Variants in HS3ST4 observed in about 807,000 individuals in gnomAD.
HS3ST4 encodes heparan sulfate glucosamine 3-O-sulfotransferase 4.
Under a neutral mutation model 29.2 loss-of-function variants are expected in HS3ST4, and 17 were observed. That is an observed-to-expected ratio of 0.58 (90% confidence interval 0.40 to 0.87). The LOEUF is 0.87. Ranked by LOEUF, HS3ST4 falls within the 40% of genes least tolerant of loss-of-function variation. HS3ST4 has a pLI of 0.00. For missense variants in HS3ST4, 627 were observed against 634.5 expected, an observed-to-expected ratio of 0.99 and a Z score of 0.13; for synonymous variants, 314 against 285.7, an observed-to-expected ratio of 1.10 and a Z score of -1.00.
chr16:25,836,901 A>C (rs1967361939), intron 1 of HS3ST4, among the ~76,000 whole-genome samples: 1 of 152,208 alleles, frequency 6.6e-6, no homozygotes, highest in Admixed American at 6.5e-5. Context: ...GTACCTCCCA[A>C]AATGTACTCG....
Position 26,136,219 on chromosome 16 carries a change from C to T in HS3ST4, c.1342C>T (p.Gln448Ter), listed in dbSNP as rs1223869400. ...TTACCAAATGACTGGTCAAGATTTTCAGTGGGAACAGGAAGAGGGTGATAA... is the reference window on the plus strand; with the variant it reads ...TTACCAAATGACTGGTCAAGATTTTTAGTGGGAACAGGAAGAGGGTGATAA... ...MFYQMTGQDF[Q>*]WEQEEGDK The change falls in exon 2 of 2, where the codon CAG becomes TAG. Residue 448 changes from glutamine to a stop codon, truncating the protein, a stop_gained. Coordinates refer to ENST00000331351, the MANE Select transcript of HS3ST4 (RefSeq NM_006040.3). LOFTEE classifies it high-confidence loss of function. 1 of 1,613,038 alleles carries T rather than the reference C, an allele frequency of 6.2e-7. No homozygotes were observed. Among genetic ancestry groups the T allele is most frequent in the Non-Finnish European group, 8.5e-7 (1 of 1,179,636 alleles).
intron 1 of HS3ST4, among the ~76,000 whole-genome samples, chr16:26,115,037 C>T (rs1426917958): frequency 1.3e-5 from 2 of 152,044 alleles, no homozygotes; most frequent in Non-Finnish European, 2.9e-5. Context: ...ATAAAACATT[C>T]ATTTTAAAAG....
chr16:26,031,626 G>C (rs1020823772), intron 1 of HS3ST4, among the ~76,000 whole-genome samples: 1 of 151,636 alleles, frequency 6.6e-6, no homozygotes, highest in Admixed American at 6.6e-5. Context: ...AGGGAAGAAG[G>C]ATCATTTAGA....
rs982202367 is a variant in HS3ST4, at chr16:25,723,878, C to A, written c.734+30727C>A. 3.3e-5 allele frequency among the ~76,000 whole-genome samples: 5 copies of A among 152,148 alleles called. No homozygotes were observed. In the South Asian group the frequency reaches 8.3e-4, roughly 25 times the overall value. On this transcript the variant is annotated intron_variant, in intron 1 of 1. Coordinates refer to ENST00000331351, the MANE Select transcript of HS3ST4 (RefSeq NM_006040.3). ...CCTGTAATCCCAGCACTTTGGGAGG[C>A]CGAGGAGGGTGGATCACGAGGTCAA...
chr16:25,749,146 G>A (rs1177749719), intron 1 of HS3ST4, among the ~76,000 whole-genome samples: 2 of 152,242 alleles, frequency 1.3e-5, no homozygotes, highest in Middle Eastern at 3.4e-3. Context: ...TATACGCCAG[G>A]CATTCTTATA....
At chr16:25,701,090 C>T (rs1966331493) in intron 1 of HS3ST4, among the ~76,000 whole-genome samples, 1 of 152,138 alleles carries the variant, frequency 6.6e-6, no homozygotes. Flanking sequence ...TCACTAGGCC[C>T]CTGTCTCTTT....
At chr16:26,019,267 A>G (rs1014554294) in intron 1 of HS3ST4, among the ~76,000 whole-genome samples, 1 of 152,102 alleles carries the variant, frequency 6.6e-6, no homozygotes, top group Non-Finnish European at 1.5e-5. Flanking sequence ...ATTGACTTAT[A>G]AGGAAGGGCA....
rs1342896671 is a variant in HS3ST4 at position 25,987,080 on chromosome 16, G to T, written c.735-148532G>T. ...AAAGCAATACTGCTGAATGGGCTCT[G>T]TGGCTCACGCCTGTAATCCCAGCAC... On this transcript the variant is annotated intron_variant, in intron 1 of 1. Transcript: ENST00000331351. 3.3e-5 allele frequency among the ~76,000 whole-genome samples: 5 copies of T among 152,242 alleles called. No individual in the cohort carries two copies. The South Asian group carries it at 8.3e-4, about 25-fold the overall frequency.
At chr16:26,017,243 G>A (rs752443480) in intron 1 of HS3ST4, among the ~76,000 whole-genome samples, 5 of 152,206 alleles carry the variant, frequency 3.3e-5, no homozygotes, top group Admixed American at 6.5e-5. Context: ...CAGGGTAGGT[G>A]AGGAGAAAGG....
At chr16:25,964,487 A>T (rs1467779521) in intron 1 of HS3ST4, among the ~76,000 whole-genome samples, 1 of 152,214 alleles carries the variant, frequency 6.6e-6, no homozygotes, top group Non-Finnish European at 1.5e-5. Flanking sequence ...GATGTGTTTC[A>T]ACCTATATAA....
intron 1 of HS3ST4, among the ~76,000 whole-genome samples, chr16:25,991,165 G>C (rs72778331): frequency 0.18 from 26,872 of 151,904 alleles, 2,474 homozygotes; most frequent in South Asian, 0.22. Context: ...AACATTGATA[G>C]CAACTAATTT....
Position 25,965,914 on chromosome 16 carries a change from A to G in HS3ST4, c.735-169698A>G, listed in dbSNP as rs770214353. 2.4e-4 allele frequency among the ~76,000 whole-genome samples: 37 copies of G among 152,308 alleles called. No individual in the cohort carries two copies. In the Middle Eastern group the frequency reaches 0.01, roughly 42 times the overall value. ...GGCTGGTCTCGAACTCCGTTGCTCA[A>G]GTGATCCTCCCACCTGGGCCTCCCA... On this transcript the variant is annotated intron_variant, in intron 1 of 1. Coordinates refer to ENST00000331351, the MANE Select transcript of HS3ST4 (RefSeq NM_006040.3).
At chr16:25,746,557 T>G (rs996186764) in intron 1 of HS3ST4, among the ~76,000 whole-genome samples, 2 of 146,880 alleles carry the variant, frequency 1.4e-5, no homozygotes, top group Non-Finnish European at 3.0e-5. Flanking sequence ...ATTGGTTGGT[T>G]TTTTTTTTTT....
chr16:26,012,476 A>G (rs1185656111), intron 1 of HS3ST4, among the ~76,000 whole-genome samples: 1 of 152,164 alleles, frequency 6.6e-6, no homozygotes, highest in African/African-American at 2.4e-5. Context: ...CTGCTTCTGT[A>G]GCTTTTGTTT....
At chr16:25,781,546 A>G (rs1011435784) in intron 1 of HS3ST4, among the ~76,000 whole-genome samples, 8 of 152,254 alleles carry the variant, frequency 5.3e-5, no homozygotes, top group South Asian at 2.1e-4. Context: ...CCATGGACAC[A>G]TGAGCTTCTG....
intron 1 of HS3ST4, among the ~76,000 whole-genome samples, chr16:26,085,389 A>G (rs1341557342): frequency 6.6e-6 from 1 of 152,244 alleles, no homozygotes; most frequent in African/African-American, 2.4e-5. Flanking sequence ...CAGCAGTATC[A>G]TAGATTATTA....
In HS3ST4 at chr16:26,028,450, A is replaced by G. The variant is rs140138944; in HGVS notation, c.735-107162A>G. Among the ~76,000 whole-genome samples, 19 of 152,194 alleles carry G rather than the reference A, an allele frequency of 1.2e-4. No homozygotes were observed. In the East Asian group the frequency reaches 3.5e-3, roughly 28 times the overall value. ...AAGAGAGACTTTTTAAAACAAAACTATTTATTTTGTAGAGATGGTTTATCA... is the reference window on the plus strand; with the variant it reads ...AAGAGAGACTTTTTAAAACAAAACTGTTTATTTTGTAGAGATGGTTTATCA... On this transcript the variant is annotated intron_variant, in intron 1 of 1. Coordinates refer to ENST00000331351, the MANE Select transcript of HS3ST4 (RefSeq NM_006040.3).
At chr16:25,895,166 C>T (rs777022333) in intron 1 of HS3ST4, among the ~76,000 whole-genome samples, 3 of 151,440 alleles carry the variant, frequency 2.0e-5, no homozygotes, top group Non-Finnish European at 2.9e-5. Flanking sequence ...TGTGTGCTCA[C>T]AAGTGTGTGC....
chr16:25,996,138 C>G (rs1361099372), intron 1 of HS3ST4, among the ~76,000 whole-genome samples: 1 of 152,080 alleles, frequency 6.6e-6, no homozygotes, highest in African/African-American at 2.4e-5. Flanking sequence ...GATTTGGGAC[C>G]AAAGCACCTT....
Sources: allele counts gnomAD v4.1 joint callset (sites outside exome capture counted in the v4.1 genomes callset), GRCh38; gene constraint gnomAD v4.1.1; transcripts MANE v1.5; gene names NCBI Gene and HGNC (gene_info 2026-07-23, HGNC 2026-07-21).